Variants in POLR1B observed in about 807,000 individuals in gnomAD.
POLR1B encodes the protein RNA polymerase I subunit B.
POLR1B carries 30 observed loss-of-function variants against 105.8 expected under a neutral mutation model. The observed-to-expected ratio is 0.28, with a 90% CI of 0.21 to 0.38. POLR1B has a LOEUF of 0.38. Among genes scored for constraint, POLR1B ranks in the 10% least tolerant of loss-of-function variants. The pLI is 1.00. For missense variants in POLR1B, 976 were observed against 1,435.8 expected, an observed-to-expected ratio of 0.68 and a Z score of 5.17; for synonymous variants, 485 against 505.1, an observed-to-expected ratio of 0.96 and a Z score of 0.53.
upstream of POLR1B, chr2:112,542,121 CG>C: frequency 6.5e-7 from 1 of 1,535,662 alleles, no homozygotes; most frequent in Non-Finnish European, 8.7e-7. Context: ...CTGAGAAGAC[CG>C]CTCTCCTCCG....
intron 1 of POLR1B, among the ~76,000 whole-genome samples, chr2:112,546,176 A>G (rs992995297): frequency 6.6e-6 from 1 of 152,134 alleles, no homozygotes; most frequent in Non-Finnish European, 1.5e-5. Context: ...AGCTTCCCCT[A>G]CAGAATGGTA....
chr2:112,567,717 A>G (rs933077634), intron 10 of POLR1B, among the ~76,000 whole-genome samples: 8 of 152,188 alleles, frequency 5.3e-5, no homozygotes, highest in Non-Finnish European at 1.0e-4. Context: ...AAATAAAACC[A>G]GTAATCTACT....
intron 1 of POLR1B, among the ~76,000 whole-genome samples, chr2:112,546,221 C>T (rs1384347480): frequency 6.6e-6 from 1 of 152,180 alleles, no homozygotes; most frequent in African/African-American, 2.4e-5. Context: ...GGAAACCCAG[C>T]CTGGCCACCA....
rs753123360 is a variant in POLR1B, at chr2:112,575,203, A to C, written c.2882A>C (p.Tyr961Ser). The part of the protein sequence containing the change: ...IFSEENSALE[Y>S]FGEMLKAAGY... ...TCAGAGGAGAACTCGGCCTTAGAAT[A>C]CTTTGGTGAGATGTTAAAGGCTGCT... The change falls in exon 15 of 15, where the codon TAC becomes TCC. Residue 961 changes from tyrosine to serine, a missense_variant. Tyr to Ser is a moderately radical substitution (Grantham distance 144, BLOSUM62 -2). This residue lies in a region of POLR1B where 40 missense variants were observed against 49.6 expected (regional missense o/e 0.81). Transcript: ENST00000263331. The surrounding 1 kb of genome is among the most constrained non-coding windows in gnomAD (Gnocchi z 5.3). 1 of 1,614,090 alleles carries C rather than the reference A, an allele frequency of 6.2e-7. No homozygotes were observed. The highest frequency in any genetic ancestry group is 2.2e-5 in the East Asian group (1 of 44,884).
At chr2:112,550,843 T>A in intron 4 of POLR1B, 23 bp from the exon 5 acceptor site, 1 of 1,610,308 alleles carries the variant, frequency 6.2e-7, no homozygotes, top group Admixed American at 1.7e-5. Context: ...AGTTTCTGAT[T>A]TTTTTGTTGT....
intron 1 of POLR1B, among the ~76,000 whole-genome samples, chr2:112,543,285 A>G (rs1416666015): frequency 6.6e-6 from 1 of 152,214 alleles, no homozygotes; most frequent in Non-Finnish European, 1.5e-5. Flanking sequence ...GTCTCCAGGC[A>G]CTAGGCTCAG....
At chr2:112,546,526 T>C (rs1683050163) in intron 1 of POLR1B, among the ~76,000 whole-genome samples, 1 of 143,884 alleles carries the variant, frequency 7.0e-6, no homozygotes, top group South Asian at 2.2e-4. Context: ...AGTGAAGTTA[T>C]GAGTAGACTG....
chr2:112,562,748 G>A (rs941015429), intron 9 of POLR1B, among the ~76,000 whole-genome samples: 22 of 124,096 alleles, frequency 1.8e-4, no homozygotes, highest in Admixed American at 6.9e-4. Flanking sequence ...TTTTTTTTGC[G>A]ACGGAGTTTC....
intron 10 of POLR1B, 123 bp downstream of exon 10, chr2:112,564,622 C>A: frequency 7.5e-7 from 1 of 1,324,898 alleles, no homozygotes; most frequent in Non-Finnish European, 1.1e-6. Context: ...TCACAATGTC[C>A]AGAATGCCTG....
Position 112,568,827 on chromosome 2 carries a change from C to T in POLR1B, c.1999C>T (p.Leu667=), listed in dbSNP as rs772058990. 2 of 1,614,040 alleles carry T rather than the reference C, an allele frequency of 1.2e-6. No homozygotes were observed. Among genetic ancestry groups the T allele is most frequent in the Admixed American group, 1.7e-5 (1 of 59,998 alleles). Residue 667 remains leucine, a synonymous_variant, in exon 12 of 15, where the codon CTG becomes TTG. Transcript: ENST00000263331. ...CCAGGAACTCTTTCCACACAGCCTGCTGAGTGTGATTGCCAACTTCATCCC... is the reference window on the plus strand; with the variant it reads ...CCAGGAACTCTTTCCACACAGCCTGTTGAGTGTGATTGCCAACTTCATCCC... ...THQELFPHSL[L]SVIANFIPFS... is the part of the protein sequence containing the mutation.
intron 9 of POLR1B, among the ~76,000 whole-genome samples, chr2:112,560,229 T>G (rs993838140): frequency 6.6e-6 from 1 of 152,040 alleles, no homozygotes; most frequent in Non-Finnish European, 1.5e-5. Context: ...GGTGAGAAAG[T>G]GAGATCCTAT....
intron 4 of POLR1B, 70 bp from the exon 5 acceptor site, chr2:112,550,796 C>G: frequency 3.3e-6 from 5 of 1,514,862 alleles, no homozygotes; most frequent in Non-Finnish European, 4.5e-6. Context: ...TAAGATTGTT[C>G]AGAAAGAAAA....
At chr2:112,547,307 T>G in intron 2 of POLR1B, 114 bp from the exon 3 acceptor site, 1 of 1,485,754 alleles carries the variant, frequency 6.7e-7, no homozygotes, top group Non-Finnish European at 9.2e-7. Flanking sequence ...ACCTTCTAAA[T>G]CTAAGGCATA....
intron 1 of POLR1B, chr2:112,545,971 C>G (rs1007786299): frequency 6.3e-6 from 1 of 157,956 alleles, no homozygotes; most frequent in Non-Finnish European, 1.4e-5. Flanking sequence ...ATATGAATTT[C>G]TAAAATAATA....
At chr2:112,542,699 G>A (rs552981078) in intron 1 of POLR1B, 28 bp downstream of exon 1, 2 of 1,608,672 alleles carry the variant, frequency 1.2e-6, no homozygotes, top group South Asian at 1.1e-5. Flanking sequence ...CGGCGCCCTT[G>A]CCGCGGCGAG....
intron 7 of POLR1B, among the ~76,000 whole-genome samples, chr2:112,555,687 G>A (rs940906514): frequency 3.9e-5 from 6 of 152,180 alleles, no homozygotes; most frequent in African/African-American, 1.2e-4. Context: ...GTAGCAAGGC[G>A]TTACTAAGGT....
chr2:112,568,851 C>T lies in POLR1B; in HGVS notation c.2023C>T (p.Pro675Ser). ...SLLSVIANFI[P>S]FSDHNQSPRN... ...GCTGAGTGTGATTGCCAACTTCATCCCTTTCTCTGATCACAACCAGAGTCC... is the reference window on the plus strand; with the variant it reads ...GCTGAGTGTGATTGCCAACTTCATCTCTTTCTCTGATCACAACCAGAGTCC... The change falls in exon 12 of 15, where the codon CCT becomes TCT. Residue 675 changes from proline to serine, a missense_variant. Physicochemically the swap from Pro to Ser is moderately conservative, Grantham distance 74 (BLOSUM62 -1). Around this residue, in one of 12 missense-constraint regions of POLR1B, gnomAD observed 184 missense variants for 197.4 expected, o/e 0.93. Coordinates refer to ENST00000263331, the MANE Select transcript of POLR1B (RefSeq NM_019014.6). The T allele has an allele frequency of 6.2e-7, 1 of 1,614,132 alleles. No individual in the cohort carries two copies. Among genetic ancestry groups the T allele is most frequent in the Non-Finnish European group, 8.5e-7 (1 of 1,180,010 alleles).
At chr2:112,555,494 T>A (rs1036439838) in intron 7 of POLR1B, among the ~76,000 whole-genome samples, 3 of 151,614 alleles carry the variant, frequency 2.0e-5, no homozygotes, top group African/African-American at 2.4e-5. Context: ...CAAATAATTT[T>A]AAAAAAATTT....
intron 4 of POLR1B, among the ~76,000 whole-genome samples, chr2:112,550,485 G>T (rs918501084): frequency 6.6e-6 from 1 of 152,134 alleles, no homozygotes; most frequent in Non-Finnish European, 1.5e-5. Flanking sequence ...AGCAGTCTTT[G>T]CCTGAAACTG....
Sources: allele counts gnomAD v4.1 joint callset (sites outside exome capture counted in the v4.1 genomes callset), GRCh38; gene constraint gnomAD v4.1.1; regional missense constraint gnomAD v4.1.1; non-coding constraint Gnocchi (gnomAD v3.1); transcripts MANE v1.5; gene names NCBI Gene and HGNC (gene_info 2026-07-23, HGNC 2026-07-21).